Variants in FAM149A observed in about 807,000 individuals in gnomAD.
FAM149A encodes protein FAM149A.
A neutral mutation model predicts 78.2 loss-of-function variants in FAM149A; 71 were observed. That is an observed-to-expected ratio of 0.91 (90% CI 0.75 to 1.11). The LOEUF (loss-of-function observed/expected upper bound fraction) is 1.11. Among genes scored for constraint, FAM149A ranks in the 50% least tolerant of loss-of-function variants. The pLI is 0.00. For missense variants in FAM149A, 1,036 were observed against 971.0 expected, an observed-to-expected ratio of 1.07 and a Z score of -0.89; for synonymous variants, 446 against 410.5, an observed-to-expected ratio of 1.09 and a Z score of -1.04.
chr4:186,167,197 G>A lies in FAM149A; in HGVS notation c.2153G>A (p.Arg718Gln), dbSNP rs748133281. The A allele has an allele frequency of 1.9e-5, 31 of 1,609,950 alleles. No homozygotes were observed. Among genetic ancestry groups the A allele is most frequent in the South Asian group, 7.7e-5 (7 of 91,042 alleles). ...TTCTTCCAGCAGTCGGATACGCCTC[G>A]AAAAAGTTCATTGACACAAATGGAA... The change falls in exon 13 of 14, where the codon CGA becomes CAA. Residue 718 changes from arginine (R) to glutamine (Q), a missense_variant. Physicochemically the swap from Arg to Gln is conservative, Grantham distance 43. Around this residue, in one of 3 missense-constraint regions of FAM149A, gnomAD observed 716 missense variants for 711.8 expected, o/e 1.01. Coordinates refer to ENST00000389354, the MANE Select transcript of FAM149A (RefSeq NM_001367768.3).
rs763458263 is a variant in FAM149A, at chr4:186,105,067, C to T, written c.-10C>T. On this transcript the variant is annotated 5_prime_UTR_variant, in exon 1 of 14. Coordinates refer to ENST00000389354, the MANE Select transcript of FAM149A (RefSeq NM_001367768.3). ...GGCGGCGGCGAGGACGGCGTGTCCACTGTCGAGGCATGAAGGCTGCTGTGC... is the reference window on the plus strand; with the variant it reads ...GGCGGCGGCGAGGACGGCGTGTCCATTGTCGAGGCATGAAGGCTGCTGTGC... 7.9e-6 allele frequency: 10 copies of T among 1,269,212 alleles called. No homozygotes were observed. Among genetic ancestry groups the T allele is most frequent in the South Asian group, 7.5e-5 (6 of 79,988 alleles). 78.6% of individuals were successfully genotyped at this position (1,269,212 alleles called of 1,614,324 possible).
Position 186,126,982 on chromosome 4 carries a change from T to C in FAM149A, c.566+21340T>C, listed in dbSNP as rs947238670. On this transcript the variant is annotated intron_variant, in intron 1 of 13. Transcript: ENST00000389354. Reference sequence around the variant, plus strand: ...ACCACTGAAGAGGCTTATTGAAGACTGGAATGGAATGGAATTTTGTAATGG... The same window carrying C: ...ACCACTGAAGAGGCTTATTGAAGACCGGAATGGAATGGAATTTTGTAATGG... The C allele has an allele frequency of 2.0e-6, 2 of 985,386 alleles. 1 individual carries two copies. 61.0% of individuals were successfully genotyped at this position (985,386 alleles called of 1,614,324 possible). A position where few individuals can be genotyped will look rare whatever the true frequency, so the allele number is the denominator to read the frequency against.
rs1447411895 is a variant in FAM149A, at chr4:186,172,046, A to G, written c.*59A>G. ...GCCTCGGCACACTGCTTATCACTTG[A>G]AAAATGGAGGAACAAGTGTTATATT... On this transcript the variant is annotated 3_prime_UTR_variant, in exon 14 of 14. Coordinates refer to ENST00000389354, the MANE Select transcript of FAM149A (RefSeq NM_001367768.3). 6.3e-7 allele frequency: 1 copy of G among 1,580,184 alleles called. No homozygotes were observed. The highest frequency in any genetic ancestry group is 8.6e-7 in the Non-Finnish European group (1 of 1,167,336).
At chr4:186,123,192 C>G in intron 1 of FAM149A, 2 of 984,210 alleles carry the variant, frequency 2.0e-6, no homozygotes, top group Non-Finnish European at 2.4e-6. Context: ...AAGGAAATGT[C>G]ACATTACTGA....
Position 186,172,247 on chromosome 4 carries a change from T to G in FAM149A, c.*260T>G, listed in dbSNP as rs150904751. ...TGTTCAGAAGCCCCTGATGTGTGTT[T>G]GCAGTCCGTCATTTTATCAATGATA... is the stretch of plus-strand genomic sequence containing the variant. On this transcript the variant is annotated 3_prime_UTR_variant, in exon 14 of 14. Transcript: ENST00000389354. The G allele has an allele frequency of 5.1e-6, 2 of 388,920 alleles. No homozygotes were observed. Among genetic ancestry groups the G allele is most frequent in the East Asian group, 8.3e-5 (2 of 24,206 alleles). 24.1% of individuals were successfully genotyped at this position (388,920 alleles called of 1,614,324 possible). A position where few individuals can be genotyped will look rare whatever the true frequency, so the allele number is the denominator to read the frequency against.
At chr4:186,130,314 T>TATATATATATATATAAAA (rs141900902) in intron 1 of FAM149A, among the ~76,000 whole-genome samples, 1 of 116,456 alleles carries the variant, frequency 8.6e-6, no homozygotes, top group Non-Finnish European at 1.7e-5. Context: ...TATATATATA[T>TATATATATATATATAAAA]AATCTATATC....
intron 1 of FAM149A, among the ~76,000 whole-genome samples, chr4:186,141,577 A>G (rs2099325802): frequency 6.6e-6 from 1 of 152,202 alleles, no homozygotes; most frequent in East Asian, 1.9e-4. Flanking sequence ...GAGAGAAGAG[A>G]CAAATGAATT....
At chr4:186,151,116 A>AC in intron 3 of FAM149A, 1 of 953,270 alleles carries the variant, frequency 1.0e-6, no homozygotes, top group Non-Finnish European at 1.2e-6. Context: ...AGGTGCACCG[A>AC]GGGGGTCTGA....
intron 8 of FAM149A, chr4:186,158,237 G>C: frequency 8.0e-7 from 1 of 1,257,526 alleles, no homozygotes; most frequent in Non-Finnish European, 1.0e-6. Flanking sequence ...GACCCAGGCA[G>C]CCTTCCGGGA....
At chr4:186,119,198 A>G (rs998317863) in intron 1 of FAM149A, among the ~76,000 whole-genome samples, 1 of 152,182 alleles carries the variant, frequency 6.6e-6, no homozygotes, top group Non-Finnish European at 1.5e-5. Context: ...CTCACATTTA[A>G]TGGTCTCACG....
At chr4:186,167,573 G>A (rs539107103) in intron 13 of FAM149A, 35 of 370,030 alleles carry the variant, frequency 9.5e-5, no homozygotes, top group Admixed American at 3.4e-4. Context: ...CTGCTATAGC[G>A]TTTTCATGCT....
chr4:186,120,518 G>A (rs1413483375), intron 1 of FAM149A, among the ~76,000 whole-genome samples: 1 of 152,120 alleles, frequency 6.6e-6, no homozygotes, highest in Non-Finnish European at 1.5e-5. Context: ...GTAAGACCGG[G>A]CGCGGTGGCT....
Position 186,156,031 on chromosome 4 carries a change from C to T in FAM149A, c.1261C>T (p.Gln421Ter), listed in dbSNP as rs1734010740. 1 of 1,613,664 alleles carries T rather than the reference C, an allele frequency of 6.2e-7. No individual in the cohort carries two copies. The highest frequency in any genetic ancestry group is 1.3e-5 in the African/African-American group (1 of 75,008). ...TGAATGTCTTGAACAAAAACCAGCT[C>T]AGCCCGGTAGGAAATGGCGCAAACT... The change falls in exon 7 of 14, where the codon CAG becomes TAG. Residue 421 changes from glutamine (Q) to a stop codon, truncating the protein, a stop_gained. Transcript: ENST00000389354. LOFTEE classifies it high-confidence loss of function.
chr4:186,144,852 G>A lies in FAM149A; in HGVS notation c.567-4321G>A, dbSNP rs1732876050. Reference sequence around the variant, plus strand: ...CCGGCGCGGGCGGGGCGGAGGATCTGGAGAGGGAAGGGGCGTGCGAGCCCC... The same window carrying A: ...CCGGCGCGGGCGGGGCGGAGGATCTAGAGAGGGAAGGGGCGTGCGAGCCCC... On this transcript the variant is annotated intron_variant, in intron 1 of 13. Transcript: ENST00000389354. This position sits in a 1 kb window ranked among gnomAD's most constrained non-coding sequence, Gnocchi z 4.2. 4.1e-6 allele frequency: 4 copies of A among 978,636 alleles called. No homozygotes were observed. The highest frequency in any genetic ancestry group is 4.8e-6 in the Non-Finnish European group (4 of 827,960). The allele number at this position is 978,636 out of a possible 1,614,324, so 60.6% of individuals were successfully genotyped here. A position where few individuals can be genotyped will look rare whatever the true frequency, so the allele number is the denominator to read the frequency against.
Position 186,169,609 on chromosome 4 carries a change from C to T in FAM149A, c.2219-2305C>T, listed in dbSNP as rs537921177. ...ACCAGCTCAGGCAGCACACCACGATCTAATAGGACATTCAGGAATGAATTA... is the reference window on the plus strand; with the variant it reads ...ACCAGCTCAGGCAGCACACCACGATTTAATAGGACATTCAGGAATGAATTA... On this transcript the variant is annotated intron_variant, in intron 13 of 13. Transcript: ENST00000389354. 1.1e-5 allele frequency: 11 copies of T among 985,434 alleles called. No homozygotes were observed. In the East Asian group the frequency reaches 1.1e-3, roughly 102 times the overall value. The allele number at this position is 985,434 out of a possible 1,614,324, so 61.0% of individuals were successfully genotyped here. A position where few individuals can be genotyped will look rare whatever the true frequency, so the allele number is the denominator to read the frequency against.
At chr4:186,105,713 A>G (rs1479033764) in intron 1 of FAM149A, 71 bp downstream of exon 1, 29 of 973,086 alleles carry the variant, frequency 3.0e-5, no homozygotes, top group Non-Finnish European at 3.5e-5. Context: ...TGCCGCACTC[A>G]CCTTCGCAGG....
At chr4:186,122,668 T>A (rs534326255) in intron 1 of FAM149A, 71 of 165,710 alleles carry the variant, frequency 4.3e-4, no homozygotes, top group Non-Finnish European at 5.6e-4. Context: ...TTTAAAAAAA[T>A]GTTATAGTAA....
chr4:186,106,515 T>C (rs1020251518), intron 1 of FAM149A, among the ~76,000 whole-genome samples: 3 of 152,038 alleles, frequency 2.0e-5, no homozygotes, highest in Non-Finnish European at 4.4e-5. Flanking sequence ...CAGACTGAGG[T>C]TTCTGCATTG....
intron 1 of FAM149A, among the ~76,000 whole-genome samples, chr4:186,138,878 T>C (rs1436326722): frequency 6.6e-6 from 1 of 152,142 alleles, no homozygotes; most frequent in Non-Finnish European, 1.5e-5. Context: ...CCTGCTTCCA[T>C]ACTGCACTCT....
Sources: allele counts gnomAD v4.1 joint callset (sites outside exome capture counted in the v4.1 genomes callset), GRCh38; gene constraint gnomAD v4.1.1; regional missense constraint gnomAD v4.1.1; non-coding constraint Gnocchi (gnomAD v3.1); transcripts MANE v1.5; gene names NCBI Gene and HGNC (gene_info 2026-07-23, HGNC 2026-07-21).